Variants in ANO3 observed in about 807,000 individuals in gnomAD.
ANO3 encodes anoctamin-3.
Under a neutral mutation model 144.8 loss-of-function variants are expected in ANO3, and 99 were observed. That is an observed-to-expected ratio of 0.68 (90% CI 0.58 to 0.81). The LOEUF is 0.81. Among genes scored for constraint, ANO3 ranks in the 30% least tolerant of loss-of-function variants. The pLI is 0.00. For synonymous variants in ANO3, 414 were observed against 392.6 expected (o/e 1.05, Z -0.64); for missense variants, 905 against 1,202.2 (o/e 0.75, Z 3.66).
intron 1 of ANO3, among the ~76,000 whole-genome samples, chr11:26,319,144 C>CATCATCATTATTATTATT (rs1554938770): frequency 6.6e-6 from 1 of 150,834 alleles, no homozygotes; most frequent in African/African-American, 2.4e-5. Context: ...TTCCAGATAA[C>CATCATCATTATTATTATT]ATTATTATTA....
chr11:26,278,302 A>G (rs1853602437), intron 1 of ANO3, among the ~76,000 whole-genome samples: 1 of 152,080 alleles, frequency 6.6e-6, no homozygotes, highest in African/African-American at 2.4e-5. Context: ...CCACCTATTA[A>G]TCTTGAAAAT....
At chr11:26,558,816 A>G (rs1181593307) in intron 13 of ANO3, among the ~76,000 whole-genome samples, 2 of 152,136 alleles carry the variant, frequency 1.3e-5, no homozygotes, top group African/African-American at 2.4e-5. Flanking sequence ...AGATTGAACA[A>G]GGAGGACACC....
chr11:26,489,117 AG>A (rs1860595558), intron 4 of ANO3, among the ~76,000 whole-genome samples: 1 of 152,172 alleles, frequency 6.6e-6, no homozygotes. Context: ...GAGGCCCAGG[AG>A]GAAAAAGTGG....
intron 1 of ANO3, among the ~76,000 whole-genome samples, chr11:26,325,238 G>A (rs900987023): frequency 3.3e-5 from 5 of 151,998 alleles, no homozygotes; most frequent in African/African-American, 9.7e-5. Flanking sequence ...AGATGCGCAG[G>A]GTATTTTTTT....
At chr11:26,406,917 C>T (rs75785182) in intron 1 of ANO3, among the ~76,000 whole-genome samples, 13,583 of 148,452 alleles carry the variant, frequency 0.091, 1,274 homozygotes, top group African/African-American at 0.25. Flanking sequence ...TATATATACA[C>T]ACCTGTATAT....
intron 1 of ANO3, among the ~76,000 whole-genome samples, chr11:26,228,283 A>G (rs528727811): frequency 1.3e-5 from 2 of 152,376 alleles, no homozygotes; most frequent in African/African-American, 4.8e-5. Flanking sequence ...ATGAGCTAGT[A>G]CAATCTGTTC....
At chr11:26,396,258 A>C (rs1003522256) in intron 1 of ANO3, among the ~76,000 whole-genome samples, 1 of 152,190 alleles carries the variant, frequency 6.6e-6, no homozygotes, top group Non-Finnish European at 1.5e-5. Flanking sequence ...CATGCCAGTT[A>C]GAGTGGTGAT....
intron 1 of ANO3, among the ~76,000 whole-genome samples, chr11:26,366,615 T>G (rs1856093347): frequency 6.6e-6 from 1 of 152,154 alleles, no homozygotes; most frequent in South Asian, 2.1e-4. Context: ...GTGTTCCTAC[T>G]TCTCCACATC....
chr11:26,509,833 G>A (rs1861588458), intron 5 of ANO3, among the ~76,000 whole-genome samples: 1 of 151,998 alleles, frequency 6.6e-6, no homozygotes, highest in Admixed American at 6.6e-5. Context: ...CTGTAGTTTG[G>A]GGTAGCCCTA....
At chr11:26,378,380 C>T (rs1442386604) in intron 1 of ANO3, among the ~76,000 whole-genome samples, 3 of 145,664 alleles carry the variant, frequency 2.1e-5, no homozygotes, top group Non-Finnish European at 4.5e-5. Context: ...ATCTATATAT[C>T]TATATATAAT....
intron 17 of ANO3, 23 bp from the exon 18 acceptor site, chr11:26,624,439 C>T: frequency 6.4e-7 from 1 of 1,561,778 alleles, no homozygotes; most frequent in Non-Finnish European, 8.8e-7. Context: ...ATAATGTTCA[C>T]TATGTATTCT....
intron 4 of ANO3, among the ~76,000 whole-genome samples, chr11:26,481,229 G>A (rs377642803): frequency 2.6e-4 from 40 of 152,132 alleles, no homozygotes; most frequent in African/African-American, 9.4e-4. Flanking sequence ...CACCATAGAC[G>A]ATTTTATGTG....
intron 1 of ANO3, among the ~76,000 whole-genome samples, chr11:26,337,953 T>C (rs1035700944): frequency 4.0e-5 from 6 of 151,782 alleles, no homozygotes; most frequent in Admixed American, 1.3e-4. Context: ...AAAAAAATTA[T>C]GGCTTAATGT....
intron 9 of ANO3, among the ~76,000 whole-genome samples, chr11:26,536,986 T>G (rs2134195799): frequency 6.6e-6 from 1 of 151,790 alleles, no homozygotes; most frequent in African/African-American, 2.4e-5. Context: ...TAAGTATTTC[T>G]CAATACCAAT....
intron 9 of ANO3, 111 bp from the exon 10 acceptor site, chr11:26,537,295 G>A (rs1219449003): frequency 2.5e-5 from 22 of 876,492 alleles, no homozygotes; most frequent in Non-Finnish European, 4.0e-5. Flanking sequence ...AAGTCATTTG[G>A]GTTATCTTAA....
intron 3 of ANO3, among the ~76,000 whole-genome samples, chr11:26,460,410 G>A (rs1225424486): frequency 4.2e-5 from 2 of 47,376 alleles, no homozygotes; most frequent in Non-Finnish European, 8.4e-5. Flanking sequence ...GAAAGAAAAA[G>A]AAGAAGAAAG....
chr11:26,517,935 A>G (rs1445345753), intron 6 of ANO3, among the ~76,000 whole-genome samples: 1 of 152,072 alleles, frequency 6.6e-6, no homozygotes, highest in Non-Finnish European at 1.5e-5. Context: ...GGAAACTACT[A>G]AGGAATCCTC....
intron 17 of ANO3, among the ~76,000 whole-genome samples, chr11:26,612,202 T>A (rs2132969102): frequency 6.6e-6 from 1 of 152,226 alleles, no homozygotes; most frequent in South Asian, 2.1e-4. Context: ...TCTGTTTGTT[T>A]ACCTCTGTGG....
At chr11:26,657,367 T>A (rs1018161075) in intron 26 of ANO3, among the ~76,000 whole-genome samples, 3 of 152,160 alleles carry the variant, frequency 2.0e-5, no homozygotes, top group African/African-American at 7.2e-5. Context: ...CCTATATACA[T>A]GTCTCCTGAT....
Sources: gnomAD v4.1 joint callset for allele counts (sites outside exome capture counted in the v4.1 genomes callset) on GRCh38, gnomAD v4.1.1 for gene constraint, MANE v1.5 for transcripts, NCBI Gene and HGNC (gene_info 2026-07-23, HGNC 2026-07-21) for gene names.